The following HDAC9 variants were observed in gnomAD, a reference collection of about 807,000 sequenced individuals.
HDAC9 encodes the protein MEF-2 interacting transcription repressor (MITR) protein.
In HDAC9, 41 loss-of-function variants were observed where a neutral mutation model predicts 139.4. That is an observed-to-expected ratio of 0.29 (90% CI 0.23 to 0.38). HDAC9 has a LOEUF of 0.38. HDAC9 is among the 10% of genes least tolerant of loss of function. The pLI is 1.00. For synonymous variants in HDAC9, 517 were observed against 476.2 expected, an observed-to-expected ratio of 1.09 and a Z score of -1.12; for missense variants, 1,147 against 1,297.0, an observed-to-expected ratio of 0.88 and a Z score of 1.78.
chr7:18,496,151 A>G (rs1435301267), intron 1 of HDAC9, 111 bp from the exon 2 acceptor site: 1 of 1,402,022 alleles, frequency 7.1e-7, no homozygotes, highest in African/African-American at 1.4e-5. Context: ...CAGCGAGGGT[A>G]GCTCCTGGGG....
intron 19 of HDAC9, among the ~76,000 whole-genome samples, chr7:18,833,846 G>A (rs1026642342): frequency 6.6e-6 from 1 of 152,200 alleles, no homozygotes; most frequent in African/African-American, 2.4e-5. Flanking sequence ...TTCACCAAAA[G>A]AAGGCTATGA....
At chr7:18,371,548 G>T (rs888567516) in intron 1 of HDAC9, among the ~76,000 whole-genome samples, 1 of 151,902 alleles carries the variant, frequency 6.6e-6, no homozygotes, top group African/African-American at 2.4e-5. Context: ...AACACATTAG[G>T]AATTCCACAG....
At chr7:18,368,503 C>T (rs1198294457) in intron 1 of HDAC9, among the ~76,000 whole-genome samples, 1 of 151,874 alleles carries the variant, frequency 6.6e-6, no homozygotes, top group Non-Finnish European at 1.5e-5. Context: ...TTCTCATGTA[C>T]ACTATGTTTA....
chr7:18,192,565 T>C (rs1231427343), intron 2 of HDAC9, among the ~76,000 whole-genome samples: 1 of 152,148 alleles, frequency 6.6e-6, no homozygotes, highest in African/African-American at 2.4e-5. Flanking sequence ...GGTTATATCA[T>C]TTCACTCAGG....
rs1007180001 is a variant in HDAC9, at chr7:18,696,638, T to G, written c.1731+30162T>G. Among the ~76,000 whole-genome samples the G allele has an allele frequency of 1.2e-4, 18 of 151,896 alleles. 1 individual carries two copies. Among genetic ancestry groups the G allele is most frequent in the Admixed American group, 7.9e-4 (12 of 15,214 alleles). On this transcript the variant is annotated intron_variant, in intron 12 of 25. Transcript: ENST00000686413. ...GCACGTCACCACGCCCAGCTAATTG[T>G]TTTGTGTTTTTAGTAGAGACAGGGT... is the stretch of plus-strand genomic sequence containing the variant.
intron 12 of HDAC9, among the ~76,000 whole-genome samples, chr7:18,684,463 CACAAACAAACAAACAA>C (rs60898555): frequency 6.7e-6 from 1 of 150,316 alleles, no homozygotes; most frequent in Non-Finnish European, 1.5e-5. Flanking sequence ...TGCAACAACT[CACAAACAAACAAACAA>C]ACAAACAAAC....
chr7:18,987,261 G>C (rs1023973245), intron 25 of HDAC9, among the ~76,000 whole-genome samples: 1 of 152,094 alleles, frequency 6.6e-6, no homozygotes, highest in African/African-American at 2.4e-5. Flanking sequence ...TAATTTATTG[G>C]GAGTTTTTAG....
chr7:18,400,540 A>C (rs913231562), intron 1 of HDAC9, among the ~76,000 whole-genome samples: 6 of 152,158 alleles, frequency 3.9e-5, no homozygotes, highest in African/African-American at 1.4e-4. Context: ...TCATCCATTG[A>C]GAGGATAGCC....
At chr7:18,361,797 C>T (rs576041010) in intron 1 of HDAC9, among the ~76,000 whole-genome samples, 91 of 151,678 alleles carry the variant, frequency 6.0e-4, no homozygotes, top group Non-Finnish European at 1.3e-3. Flanking sequence ...TGTATTATTT[C>T]GTTTATTGCA....
intron 7 of HDAC9, 134 bp from the exon 8 acceptor site, chr7:18,634,493 C>T (rs1783293955): frequency 1.7e-6 from 1 of 591,758 alleles, no homozygotes; most frequent in Non-Finnish European, 2.9e-6. Flanking sequence ...ATTTTTAGTT[C>T]TTTCTATTTT....
Position 18,880,560 on chromosome 7 carries a change from C to T in HDAC9, c.2803+5964C>T, listed in dbSNP as rs939995650. 7.6e-4 allele frequency among the ~76,000 whole-genome samples: 116 copies of T among 152,194 alleles called. 1 individual carries two copies. Among genetic ancestry groups the T allele is most frequent in the African/African-American group, 2.6e-3 (106 of 41,544 alleles). On this transcript the variant is annotated intron_variant, in intron 22 of 25. Transcript: ENST00000686413. ...AGCAAACTAATGCCAGAATGTAAAA[C>T]CAAATACTGTGTGTTCTCACTTTCA...
intron 2 of HDAC9, among the ~76,000 whole-genome samples, chr7:18,179,076 G>C (rs1370388885): frequency 6.6e-6 from 1 of 152,194 alleles, no homozygotes; most frequent in Non-Finnish European, 1.5e-5. Context: ...GTCAAATGGA[G>C]TTCCTTTCAT....
intron 1 of HDAC9, among the ~76,000 whole-genome samples, chr7:18,369,597 A>G (rs1459878838): frequency 6.6e-6 from 1 of 151,874 alleles, no homozygotes; most frequent in African/African-American, 2.4e-5. Flanking sequence ...TGACTCCTTT[A>G]GTGGAATTTC....
chr7:18,776,810 C>A (rs1790808030), intron 16 of HDAC9, among the ~76,000 whole-genome samples: 1 of 151,808 alleles, frequency 6.6e-6, no homozygotes, highest in African/African-American at 2.4e-5. Context: ...GGGTGCAAAG[C>A]AGAGTGGTGG....
chr7:18,963,413 C>G (rs1783651028), intron 24 of HDAC9, among the ~76,000 whole-genome samples: 1 of 151,976 alleles, frequency 6.6e-6, no homozygotes, highest in Non-Finnish European at 1.5e-5. Flanking sequence ...AGAGATTAAG[C>G]CCAACAAAAT....
chr7:18,555,597 G>C (rs1157010557), intron 2 of HDAC9, among the ~76,000 whole-genome samples: 1 of 152,058 alleles, frequency 6.6e-6, no homozygotes, highest in Non-Finnish European at 1.5e-5. Context: ...ACACACAGAT[G>C]TGTGTATATG....
intron 1 of HDAC9, among the ~76,000 whole-genome samples, chr7:18,324,488 T>C (rs1476008352): frequency 1.3e-5 from 2 of 152,274 alleles, no homozygotes; most frequent in East Asian, 3.9e-4. Context: ...CTTTCTACAA[T>C]AGCTAATTAG....
chr7:18,156,394 G>A (rs1159188419), intron 1 of HDAC9, among the ~76,000 whole-genome samples: 2 of 152,202 alleles, frequency 1.3e-5, no homozygotes, highest in Admixed American at 6.5e-5. Flanking sequence ...GCCCTTTCTA[G>A]ATGGTGGCCC....
rs74896237 is a variant in HDAC9, at chr7:18,362,960, C to G, written c.-42+72445C>G. Reference sequence around the variant, plus strand: ...GTAGAACAAAAGAGACTTATCCCACCCAGATTGATTCAAATACCTGGAGAT... The same window carrying G: ...GTAGAACAAAAGAGACTTATCCCACGCAGATTGATTCAAATACCTGGAGAT... On this transcript the variant is annotated intron_variant, in intron 1 of 3. Transcript: ENST00000413509. Among the ~76,000 whole-genome samples the G allele has an allele frequency of 4.6e-3, 704 of 152,070 alleles. 4 individuals are homozygous for G. Among genetic ancestry groups the G allele is most frequent in the African/African-American group, 0.016 (683 of 41,506 alleles).
Sources: allele counts gnomAD v4.1 joint callset (sites outside exome capture counted in the v4.1 genomes callset), GRCh38; gene constraint gnomAD v4.1.1; transcripts MANE v1.5; gene names NCBI Gene and HGNC (gene_info 2026-07-23, HGNC 2026-07-21).